Variants in UGGT1 observed in about 807,000 individuals in gnomAD.
The protein encoded by UGGT1 is UDP-glucose glycoprotein glucosyltransferase 1.
A neutral mutation model predicts 203.9 loss-of-function variants in UGGT1; 107 were observed. The observed-to-expected ratio is 0.52, with a 90% CI of 0.45 to 0.62. The LOEUF is 0.62. UGGT1 is among the 20% of genes least tolerant of loss of function. The pLI is 0.00. For missense variants in UGGT1, 1,673 were observed against 1,867.2 expected (o/e 0.90, Z 1.92); for synonymous variants, 628 against 653.5 (o/e 0.96, Z 0.59).
At position 128,178,451 on chromosome 2, in the gene UGGT1, T is replaced by A. The variant is rs1558824068; in HGVS notation, c.3714-17T>A. On this transcript the variant is annotated splice_polypyrimidine_tract_variant and intron_variant, in intron 33 of 40. Transcript: ENST00000259253. Reference sequence around the variant, plus strand: ...TGAGTGTTTCAAGTGGTCTTTTTTTTACCCTTATTGTTATAGGGGCTTTAC... The same window carrying A: ...TGAGTGTTTCAAGTGGTCTTTTTTTAACCCTTATTGTTATAGGGGCTTTAC... 4 of 1,593,096 alleles carry A rather than the reference T, an allele frequency of 2.5e-6. No homozygotes were observed. In the South Asian group the frequency reaches 4.5e-5, roughly 18 times the overall value.
At chr2:128,156,521 C>A in intron 21 of UGGT1, 106 bp downstream of exon 21, 3 of 814,276 alleles carry the variant, frequency 3.7e-6, no homozygotes, top group East Asian at 2.7e-5. Context: ...TTTCCGGAAT[C>A]TGTGGGTAAC....
At chr2:128,128,031 A>AC (rs1688681497) in intron 12 of UGGT1, among the ~76,000 whole-genome samples, 1 of 151,930 alleles carries the variant, frequency 6.6e-6, no homozygotes, top group Non-Finnish European at 1.5e-5. Flanking sequence ...CTGAGATTGC[A>AC]CCCCTGCACT....
At chr2:128,170,440 C>G in intron 27 of UGGT1, 50 bp downstream of exon 27, 1 of 1,531,986 alleles carries the variant, frequency 6.5e-7, no homozygotes, top group East Asian at 2.3e-5. Flanking sequence ...GAAGTTGTCA[C>G]ATGCTCTGAA....
chr2:128,186,673 A>T lies in UGGT1; in HGVS notation c.4360-10A>T. On this transcript the variant is annotated splice_polypyrimidine_tract_variant and intron_variant, in intron 38 of 40. Coordinates refer to ENST00000259253, the MANE Select transcript of UGGT1 (RefSeq NM_020120.4). ...ATGTATTTTATTTTTATTTTTTTTT[A>T]ACCAAACAGGATCTGCCCAATAACA... 1 of 1,582,444 alleles carries T rather than the reference A, an allele frequency of 6.3e-7. No individual in the cohort carries two copies. The highest frequency in any genetic ancestry group is 8.6e-7 in the Non-Finnish European group (1 of 1,162,000).
chr2:128,183,153 T>C (rs1045502853), intron 37 of UGGT1, among the ~76,000 whole-genome samples: 1 of 152,236 alleles, frequency 6.6e-6, no homozygotes, highest in African/African-American at 2.4e-5. Context: ...ACATTTCTAA[T>C]GAGCACCCCA....
intron 10 of UGGT1, among the ~76,000 whole-genome samples, chr2:128,122,739 T>C (rs1688439406): frequency 1.3e-5 from 2 of 152,176 alleles, no homozygotes; most frequent in South Asian, 4.1e-4. Flanking sequence ...ATAACTAAGT[T>C]TGTTTATTTG....
At chr2:128,114,632 A>T (rs370351202) in intron 6 of UGGT1, among the ~76,000 whole-genome samples, 43 of 152,310 alleles carry the variant, frequency 2.8e-4, no homozygotes, top group African/African-American at 1.0e-3. Context: ...ATGGGCCTCA[A>T]AAAACACCTC....
intron 2 of UGGT1, among the ~76,000 whole-genome samples, chr2:128,099,846 A>C (rs975840309): frequency 6.6e-6 from 1 of 152,188 alleles, no homozygotes; most frequent in Non-Finnish European, 1.5e-5. Flanking sequence ...TATGGGGGAA[A>C]AAAGCCCAAC....
intron 6 of UGGT1, among the ~76,000 whole-genome samples, chr2:128,114,681 A>G (rs1275384011): frequency 6.6e-6 from 1 of 152,172 alleles, no homozygotes; most frequent in Non-Finnish European, 1.5e-5. Context: ...CCTGCTCTGT[A>G]GGTTCTGGAA....
chr2:128,098,418 G>C (rs1687211193), intron 2 of UGGT1, among the ~76,000 whole-genome samples: 1 of 152,236 alleles, frequency 6.6e-6, no homozygotes, highest in Admixed American at 6.5e-5. Context: ...CTGAGCATCA[G>C]ATTAGGAGAT....
At chr2:128,188,579 G>T (rs1236204729) in intron 40 of UGGT1, among the ~76,000 whole-genome samples, 1 of 152,188 alleles carries the variant, frequency 6.6e-6, no homozygotes, top group Admixed American at 6.5e-5. Flanking sequence ...GTACATATTT[G>T]TGGAGTCCAT....
At chr2:128,108,253 TA>T (rs1573504330) in intron 4 of UGGT1, among the ~76,000 whole-genome samples, 185 bp downstream of exon 4, 1 of 112,174 alleles carries the variant, frequency 8.9e-6, no homozygotes, top group East Asian at 2.0e-4. Context: ...CCCACAGATT[TA>T]AAAAAATAAA....
At chr2:128,109,397 G>A (rs1558756778) in intron 4 of UGGT1, among the ~76,000 whole-genome samples, 1 of 151,804 alleles carries the variant, frequency 6.6e-6, no homozygotes, top group Non-Finnish European at 1.5e-5. Flanking sequence ...TTGTAGAGAT[G>A]GGGTCTCACT....
At chr2:128,188,021 CTTTT>C (rs36115792) in intron 40 of UGGT1, among the ~76,000 whole-genome samples, 2 of 124,570 alleles carry the variant, frequency 1.6e-5, no homozygotes, top group African/African-American at 3.0e-5. Context: ...GTTGAAGAAA[CTTTT>C]TTTTTTTTTT....
chr2:128,118,017 G>T (rs6430987), intron 8 of UGGT1, among the ~76,000 whole-genome samples: 2 of 148,942 alleles, frequency 1.3e-5, no homozygotes, highest in African/African-American at 4.9e-5. Flanking sequence ...AGAGAGAGAG[G>T]GAAAGAGAGA....
At chr2:128,146,310 C>T (rs917512603) in intron 18 of UGGT1, among the ~76,000 whole-genome samples, 2 of 151,496 alleles carry the variant, frequency 1.3e-5, no homozygotes, top group African/African-American at 4.8e-5. Flanking sequence ...GACCCTGTCC[C>T]GTTAAAAAAA....
intron 7 of UGGT1, 24 bp downstream of exon 7, chr2:128,115,244 G>A: frequency 6.3e-7 from 1 of 1,597,346 alleles, no homozygotes; most frequent in Non-Finnish European, 8.6e-7. Flanking sequence ...AATGGGACCA[G>A]TGTGCTTTCT....
At chr2:128,114,944 A>T (rs1445758453) in intron 6 of UGGT1, among the ~76,000 whole-genome samples, 180 bp from the exon 7 acceptor site, 2 of 152,216 alleles carry the variant, frequency 1.3e-5, no homozygotes, top group African/African-American at 4.8e-5. Flanking sequence ...GACTAAAAAA[A>T]TTTGTTTAGT....
intron 8 of UGGT1, among the ~76,000 whole-genome samples, chr2:128,119,086 G>A (rs1688257876): frequency 6.6e-6 from 1 of 152,082 alleles, no homozygotes. Context: ...TTACCAGTTG[G>A]GCACCCCAAG....
Sources: gnomAD v4.1 joint callset for allele counts (sites outside exome capture counted in the v4.1 genomes callset) on GRCh38, gnomAD v4.1.1 for gene constraint, MANE v1.5 for transcripts, NCBI Gene and HGNC (gene_info 2026-07-23, HGNC 2026-07-21) for gene names.